Variants in FMNL3 observed in about 807,000 individuals in gnomAD.
FMNL3 encodes the protein formin-like protein 3.
Under a neutral mutation model 119.6 loss-of-function variants are expected in FMNL3, and 57 were observed. The ratio of observed to expected loss-of-function variants is 0.48; its 90% CI spans 0.39 to 0.59. The LOEUF is 0.59. Ranked by LOEUF, FMNL3 falls within the 20% of genes least tolerant of loss-of-function variation. The pLI, the probability that FMNL3 is intolerant of heterozygous loss-of-function variation, is 0.00. For synonymous variants in FMNL3, 491 were observed against 507.3 expected (o/e 0.97, Z 0.43); for missense variants, 1,053 against 1,323.5 (o/e 0.80, Z 3.17).
In FMNL3 at chr12:49,645,244, T is replaced by G. The variant is rs1309794843; in HGVS notation, c.*571A>C. On this transcript the variant is annotated 3_prime_UTR_variant, in exon 26 of 26. Coordinates refer to ENST00000335154, the MANE Select transcript of FMNL3 (RefSeq NM_175736.5). ...TCTGCCCACCTTGACAAGGACAGTGTGAGCCTAGAATGAAATGGGCAGAGA... is the reference window on the plus strand; with the variant it reads ...TCTGCCCACCTTGACAAGGACAGTGGGAGCCTAGAATGAAATGGGCAGAGA... 6.6e-6 allele frequency: 1 copy of G among 151,780 alleles called. No homozygotes were observed. The highest frequency in any genetic ancestry group is 1.5e-5 in the Non-Finnish European group (1 of 68,112). The allele number at this position is 151,780 out of a possible 1,614,324, so 9.4% of individuals were successfully genotyped here.
Position 49,643,649 on chromosome 12 carries a change from C to CT in FMNL3, c.*2165dup, listed in dbSNP as rs1942966024. ...GCTAGAACAAAGAAAAAGAGCCTGTCTTTCTCCTGTTGGGACTTAGTAGGG... is the reference window on the plus strand; with the variant it reads ...GCTAGAACAAAGAAAAAGAGCCTGTCTTTTCTCCTGTTGGGACTTAGTAGGG... On this transcript the variant is annotated 3_prime_UTR_variant, in exon 26 of 26. Coordinates refer to ENST00000335154, the MANE Select transcript of FMNL3 (RefSeq NM_175736.5). The CT allele has an allele frequency of 1.3e-6, 2 of 1,591,656 alleles. No homozygotes were observed. The highest frequency in any genetic ancestry group is 3.5e-5 in the Admixed American group (2 of 56,842).
Position 49,651,155 on chromosome 12 carries a change from C to T in FMNL3, c.1797+13G>A, listed in dbSNP as rs1261717166. ...CCCTCAACCTTAGCCCTCTGGACCC[C>T]AGGCCCTGTTACCTCCAAGATCTTC... On this transcript the variant is annotated intron_variant, in intron 16 of 25. Transcript: ENST00000335154. 2.5e-6 allele frequency: 4 copies of T among 1,611,712 alleles called. No homozygotes were observed. The African/African-American group carries it at 5.3e-5, about 22-fold the overall frequency.
Position 49,642,793 on chromosome 12 carries a change from G to A in FMNL3, c.*3022C>T. The A allele has an allele frequency of 7.0e-7, 1 of 1,431,342 alleles. No individual in the cohort carries two copies. Among genetic ancestry groups the A allele is most frequent in the Non-Finnish European group, 9.6e-7 (1 of 1,039,874 alleles). The allele number at this position is 1,431,342 out of a possible 1,614,324, so 88.7% of individuals were successfully genotyped here. Reference sequence around the variant, plus strand: ...GGGCACTCCTGGCCAGCTAAGGAAGGGGAGGCCTGAGGATCCCTGGGATAG... The same window carrying A: ...GGGCACTCCTGGCCAGCTAAGGAAGAGGAGGCCTGAGGATCCCTGGGATAG... On this transcript the variant is annotated 3_prime_UTR_variant, in exon 26 of 26. Transcript: ENST00000335154. This position sits in a 1 kb window ranked among gnomAD's most constrained non-coding sequence, Gnocchi z 5.8.
intron 21 of FMNL3, 37 bp downstream of exon 21, chr12:49,648,992 A>T (rs1195200648): frequency 6.4e-7 from 1 of 1,555,032 alleles, no homozygotes; most frequent in East Asian, 2.2e-5. Flanking sequence ...CCTGGGCTGG[A>T]TGTGAGGGCA....
intron 25 of FMNL3, chr12:49,646,653 C>T (rs760612637): frequency 4.6e-5 from 71 of 1,531,418 alleles, no homozygotes; most frequent in Non-Finnish European, 5.6e-5. Context: ...CGGGCCCCAA[C>T]CTTGGGGGCT....
At chr12:49,646,065 G>A (rs925283144) in intron 25 of FMNL3, among the ~76,000 whole-genome samples, 162 bp from the exon 26 acceptor site, 2 of 152,206 alleles carry the variant, frequency 1.3e-5, no homozygotes, top group African/African-American at 4.8e-5. Flanking sequence ...GGAAATTGCT[G>A]GTTGGGGAGA....
chr12:49,643,778 C>T lies in FMNL3; in HGVS notation c.*2037G>A, dbSNP rs1195989988. 1 of 1,613,704 alleles carries T rather than the reference C, an allele frequency of 6.2e-7. No homozygotes were observed. Among genetic ancestry groups the T allele is most frequent in the Non-Finnish European group, 8.5e-7 (1 of 1,179,908 alleles). On this transcript the variant is annotated 3_prime_UTR_variant, in exon 26 of 26. Coordinates refer to ENST00000335154, the MANE Select transcript of FMNL3 (RefSeq NM_175736.5). Reference sequence around the variant, plus strand: ...GTGAGTGAAGGAACTTCTACCTAAGCCCCTGCTATTTTGTGAGTTCTGTTC... The same window carrying T: ...GTGAGTGAAGGAACTTCTACCTAAGTCCCTGCTATTTTGTGAGTTCTGTTC...
At position 49,649,671 on chromosome 12, in the gene FMNL3, G is replaced by GAGTT. The variant is rs1306352771; in HGVS notation, c.2235+16_2235+19dup. The GAGTT allele has an allele frequency of 6.2e-7, 1 of 1,613,478 alleles. No homozygotes were observed. Among genetic ancestry groups the GAGTT allele is most frequent in the Non-Finnish European group, 8.5e-7 (1 of 1,179,544 alleles). Reference sequence around the variant, plus strand: ...TGGAGGGACAGCTGTCCAGAGCCATGAGTTGGGTGGGGGCTGTACCGGTGT... The same window carrying GAGTT: ...TGGAGGGACAGCTGTCCAGAGCCATGAGTTAGTTGGGTGGGGGCTGTACCGGTGT... On this transcript the variant is annotated intron_variant, in intron 18 of 25. Transcript: ENST00000335154. The surrounding 1 kb of genome is among the most constrained non-coding windows in gnomAD (Gnocchi z 5.6).
intron 17 of FMNL3, among the ~76,000 whole-genome samples, 176 bp from the exon 18 acceptor site, chr12:49,650,101 C>T (rs61512987): frequency 0.24 from 37,075 of 152,038 alleles, 7,292 homozygotes; most frequent in African/African-American, 0.55. Flanking sequence ...CGGGGGAACA[C>T]TCCATGCTCC....
intron 1 of FMNL3, among the ~76,000 whole-genome samples, chr12:49,699,816 A>G (rs901139650): frequency 6.6e-6 from 1 of 152,256 alleles, no homozygotes; most frequent in Non-Finnish European, 1.5e-5. Context: ...CTGCAAAGTA[A>G]AACAAGATAC....
chr12:49,637,038 T>C lies in FMNL3; in HGVS notation c.*8777A>G. 1.2e-6 allele frequency: 1 copy of C among 863,296 alleles called. No individual in the cohort carries two copies. Among genetic ancestry groups the C allele is most frequent in the Non-Finnish European group, 1.8e-6 (1 of 570,982 alleles). The allele number at this position is 863,296 out of a possible 1,614,324, so 53.5% of individuals were successfully genotyped here. A position where few individuals can be genotyped will look rare whatever the true frequency, so the allele number is the denominator to read the frequency against. On this transcript the variant is annotated 3_prime_UTR_variant, in exon 26 of 26. Transcript: ENST00000335154. ...CCTCCTCAATTCTGGACTGTGCTCT[T>C]CTAGGGAGACTAGATGTATGCACCA...
At chr12:49,672,487 A>G (rs903077431) in intron 1 of FMNL3, among the ~76,000 whole-genome samples, 5 of 152,264 alleles carry the variant, frequency 3.3e-5, no homozygotes, top group Non-Finnish European at 7.3e-5. Context: ...GCCGAAAGGC[A>G]TGGAGCTGGT....
Position 49,658,467 on chromosome 12 carries a change from G to A in FMNL3, c.580C>T (p.Arg194Cys), listed in dbSNP as rs776294097. 1.1e-5 allele frequency: 17 copies of A among 1,611,392 alleles called. No homozygotes were observed. In the South Asian group the frequency reaches 1.1e-4, roughly 10 times the overall value. ...CGGAGCACAGACTGGCGCGCAGAGC[G>A]AGCGAGGCTGTTGGTGAAGGGGGCC... ...LSAPFTNSLA[R>C]SARQSVLRYS... The change falls in exon 6 of 26, where the codon CGC becomes TGC. Residue 194 changes from arginine to cysteine, a missense_variant. Around this residue, in one of 4 missense-constraint regions of FMNL3, gnomAD observed 264 missense variants for 265.5 expected, o/e 0.99. Transcript: ENST00000335154.
Position 49,642,123 on chromosome 12 carries a change from G to A in FMNL3, c.*3692C>T. The A allele has an allele frequency of 3.7e-6, 6 of 1,603,278 alleles. No individual in the cohort carries two copies. In the South Asian group the frequency reaches 6.6e-5, roughly 18 times the overall value. Reference sequence around the variant, plus strand: ...CCCACTGACTATATTCCCAATTCAGGGGATGGTGGTAGAAGCCCAGACCCT... The same window carrying A: ...CCCACTGACTATATTCCCAATTCAGAGGATGGTGGTAGAAGCCCAGACCCT... On this transcript the variant is annotated 3_prime_UTR_variant, in exon 26 of 26. Transcript: ENST00000335154. The surrounding 1 kb of genome is among the most constrained non-coding windows in gnomAD (Gnocchi z 5.8).
At chr12:49,671,614 A>C (rs958543326) in intron 1 of FMNL3, among the ~76,000 whole-genome samples, 8 of 152,278 alleles carry the variant, frequency 5.3e-5, no homozygotes, top group African/African-American at 1.9e-4. Context: ...TCTACCTGAT[A>C]ATGTGTGTGA....
intron 1 of FMNL3, among the ~76,000 whole-genome samples, chr12:49,671,691 C>T (rs912270653): frequency 6.6e-6 from 1 of 152,204 alleles, no homozygotes; most frequent in African/African-American, 2.4e-5. Flanking sequence ...TCCTGAGTTC[C>T]GGGGACAGCA....
At chr12:49,646,064 T>G (rs980064165) in intron 25 of FMNL3, among the ~76,000 whole-genome samples, 161 bp from the exon 26 acceptor site, 1 of 152,016 alleles carries the variant, frequency 6.6e-6, no homozygotes, top group Non-Finnish European at 1.5e-5. Flanking sequence ...GGGAAATTGC[T>G]GGTTGGGGAG....
At chr12:49,651,859 A>G (rs1943412583) in intron 14 of FMNL3, 74 bp downstream of exon 14, 2 of 1,461,838 alleles carry the variant, frequency 1.4e-6, no homozygotes, top group African/African-American at 2.8e-5. Flanking sequence ...TCCCTGAGGA[A>G]GACACTGCTG....
In FMNL3 at chr12:49,654,265, G is replaced by A; in HGVS notation, c.998C>T (p.Ser333Leu). Residue 333 changes from serine to leucine, a missense_variant, in exon 11 of 26, where the codon TCG becomes TTG. Physicochemically the swap from Ser to Leu is moderately radical, Grantham distance 145. Transcript: ENST00000335154. ...GACCCGGAAGTTCATGTCCTCCACC[G>A]AGTGCACCACGATGTTGATGAACTG... ...CMQFINIVVH[S>L]VEDMNFRVHL... is the part of the protein sequence containing the mutation. The A allele has an allele frequency of 6.2e-7, 1 of 1,614,046 alleles. No individual in the cohort carries two copies. The highest frequency in any genetic ancestry group is 8.5e-7 in the Non-Finnish European group (1 of 1,180,012).
Sources: gnomAD v4.1 joint callset for allele counts (sites outside exome capture counted in the v4.1 genomes callset) on GRCh38, gnomAD v4.1.1 for gene constraint, gnomAD v4.1.1 regional missense constraint, Gnocchi (gnomAD v3.1) non-coding constraint, MANE v1.5 for transcripts, NCBI Gene and HGNC (gene_info 2026-07-23, HGNC 2026-07-21) for gene names.